ERI1: variants seen among roughly 807,000 people sequenced by gnomAD.
The protein encoded by ERI1 is 3'-5' exoribonuclease 1.
ERI1 carries 39 observed loss-of-function variants against 39.7 expected under a neutral mutation model. That is an observed-to-expected ratio of 0.98 (90% CI 0.76 to 1.28). The LOEUF is 1.28. Among genes scored for constraint, ERI1 ranks in the 50% most tolerant of loss-of-function variants. ERI1 has a pLI of 0.00. For synonymous variants in ERI1, 204 were observed against 149.6 expected (o/e 1.36, Z -2.65); for missense variants, 581 against 416.9 (o/e 1.39, Z -3.43).
chr8:9,023,254 A>G (rs574843434), intron 6 of ERI1, among the ~76,000 whole-genome samples: 1 of 151,656 alleles, frequency 6.6e-6, no homozygotes, highest in African/African-American at 2.4e-5. Flanking sequence ...GTTTCCCCTT[A>G]TCTGGATTTT....
intron 3 of ERI1, among the ~76,000 whole-genome samples, chr8:9,095,848 T>A (rs1024736886): frequency 1.3e-5 from 2 of 152,128 alleles, no homozygotes; most frequent in African/African-American, 4.8e-5. Flanking sequence ...GCTCTGTGTT[T>A]AAGGATCATC....
chr8:9,084,045 G>T (rs563178872), intron 3 of ERI1, among the ~76,000 whole-genome samples: 3 of 152,108 alleles, frequency 2.0e-5, no homozygotes, highest in Non-Finnish European at 4.4e-5. Context: ...AACCCGCCTC[G>T]GCCTCCCAAA....
chr8:9,028,715 C>A (rs1448721751), intron 6 of ERI1, among the ~76,000 whole-genome samples: 1 of 152,108 alleles, frequency 6.6e-6, no homozygotes. Flanking sequence ...CCTCTGCCTC[C>A]CGGGTTCAAG....
intron 3 of ERI1, among the ~76,000 whole-genome samples, chr8:9,062,238 A>G (rs2117400697): frequency 6.6e-6 from 1 of 152,188 alleles, no homozygotes; most frequent in South Asian, 2.1e-4. Flanking sequence ...TAAGGGGTGC[A>G]TGATCAGTCG....
chr8:9,018,480 T>C, intron 5 of ERI1, 74 bp downstream of exon 5: 2 of 845,716 alleles, frequency 2.4e-6, no homozygotes, highest in Non-Finnish European at 3.7e-6. Flanking sequence ...ATCTGATTTT[T>C]AGAATAACCA....
At chr8:9,033,535 T>C (rs1456093848), downstream of ERI1, among the ~76,000 whole-genome samples, 1 of 150,588 alleles carries the variant, frequency 6.6e-6, no homozygotes, top group Admixed American at 6.6e-5. Flanking sequence ...AAACAAGAAA[T>C]GCGACTGTGA....
chr8:9,070,243 A>G (rs1799006158), intron 3 of ERI1, among the ~76,000 whole-genome samples: 1 of 151,892 alleles, frequency 6.6e-6, no homozygotes, highest in Non-Finnish European at 1.5e-5. Context: ...TCTCAAAAAA[A>G]AAAACAAAAC....
intron 3 of ERI1, among the ~76,000 whole-genome samples, chr8:9,097,923 T>TA (rs1563104332): frequency 4.6e-5 from 7 of 152,182 alleles, no homozygotes; most frequent in Admixed American, 3.3e-4. Flanking sequence ...ATATACACCA[T>TA]GGAATACTAC....
chr8:9,017,343 C>A (rs1287745709), intron 4 of ERI1, among the ~76,000 whole-genome samples: 1 of 152,130 alleles, frequency 6.6e-6, no homozygotes, highest in Non-Finnish European at 1.5e-5. Context: ...TAGCCTGTTT[C>A]ATGAATTTTT....
At chr8:9,057,515 T>G (rs1798547052) in intron 3 of ERI1, among the ~76,000 whole-genome samples, 1 of 152,202 alleles carries the variant, frequency 6.6e-6, no homozygotes, top group Non-Finnish European at 1.5e-5. Context: ...AACTAGTGTG[T>G]GGTTTGCAAA....
chr8:9,024,178 G>A (rs556060816), intron 6 of ERI1, among the ~76,000 whole-genome samples: 88 of 152,252 alleles, frequency 5.8e-4, no homozygotes, highest in African/African-American at 1.9e-3. Context: ...AATTTAAAAG[G>A]CAAATAACTG....
chr8:9,021,677 T>C (rs1198248197), intron 6 of ERI1, among the ~76,000 whole-genome samples: 1 of 152,086 alleles, frequency 6.6e-6, no homozygotes, highest in Non-Finnish European at 1.5e-5. Context: ...TCCTTATAGC[T>C]TTAGTATTTA....
rs767399587 is a variant in ERI1 at position 9,011,665 on chromosome 8, C to T, written c.411C>T (p.Ala137=). 6.2e-7 allele frequency: 1 copy of T among 1,613,332 alleles called. No individual in the cohort carries two copies. The highest frequency in any genetic ancestry group is 8.5e-7 in the Non-Finnish European group (1 of 1,179,574). The change falls in exon 3 of 7, where the codon GCC becomes GCT. Residue 137 remains alanine (A), a synonymous_variant. Coordinates refer to ENST00000250263, the MANE Select transcript of ERI1 (RefSeq NM_153332.4). The part of the protein sequence containing the change: ...YDYICIIDFE[A]TCEEGNPPEF... The stretch of plus-strand genomic sequence containing the variant: ...ACATTTGTATTATTGACTTTGAAGC[C>T]ACTTGTGAAGAAGGAAACCCACCTG...
At chr8:9,034,194 G>A (rs1385179954), downstream of ERI1, among the ~76,000 whole-genome samples, 2 of 152,238 alleles carry the variant, frequency 1.3e-5, no homozygotes, top group Non-Finnish European at 2.9e-5. Flanking sequence ...GGATGCCCGA[G>A]GCTTTAAACC....
Position 9,011,664 on chromosome 8 carries a change from C to A in ERI1, c.410C>A (p.Ala137Asp). The part of the protein sequence containing the change: ...YDYICIIDFE[A>D]TCEEGNPPEF... ...TACATTTGTATTATTGACTTTGAAG[C>A]CACTTGTGAAGAAGGAAACCCACCT... Residue 137 changes from alanine (A) to aspartate (D), a missense_variant, in exon 3 of 7, where the codon GCC becomes GAC. Physicochemically the swap from Ala to Asp is moderately radical, Grantham distance 126. Coordinates refer to ENST00000250263, the MANE Select transcript of ERI1 (RefSeq NM_153332.4). 1 of 1,613,466 alleles carries A rather than the reference C, an allele frequency of 6.2e-7. No homozygotes were observed. Among genetic ancestry groups the A allele is most frequent in the Non-Finnish European group, 8.5e-7 (1 of 1,179,564 alleles).
At chr8:9,093,366 A>G (rs1187752495) in intron 3 of ERI1, among the ~76,000 whole-genome samples, 1 of 152,318 alleles carries the variant, frequency 6.6e-6, no homozygotes, top group East Asian at 1.9e-4. Context: ...AGCTTGAAAC[A>G]CAGTCGCCTT....
In ERI1 at chr8:9,031,614, G is replaced by T. The variant is rs1797596292; in HGVS notation, c.*1580G>T. 6.6e-6 allele frequency: 1 copy of T among 152,156 alleles called. No homozygotes were observed. The highest frequency in any genetic ancestry group is 2.4e-5 in the African/African-American group (1 of 41,436). The allele number at this position is 152,156 out of a possible 1,614,324, so 9.4% of individuals were successfully genotyped here. A position where few individuals can be genotyped will look rare whatever the true frequency, so the allele number is the denominator to read the frequency against. On this transcript the variant is annotated 3_prime_UTR_variant, in exon 7 of 7. Coordinates refer to ENST00000250263, the MANE Select transcript of ERI1 (RefSeq NM_153332.4). ...TGAAACTGCAATTGGAAAATCTGAT[G>T]ATGACGAGGAAATATTACGTTTCCA...
intron 3 of ERI1, among the ~76,000 whole-genome samples, chr8:9,052,257 C>G (rs922284727): frequency 6.6e-6 from 1 of 152,086 alleles, no homozygotes; most frequent in Admixed American, 6.6e-5. Context: ...TTGTCTCTCT[C>G]TGTGTTCTAT....
At chr8:9,004,470 C>G (rs867675353) in intron 1 of ERI1, among the ~76,000 whole-genome samples, 4 of 144,364 alleles carry the variant, frequency 2.8e-5, no homozygotes, top group Non-Finnish European at 6.0e-5. Context: ...CTGTTGCATG[C>G]TCTTTATAGT....
Sources: allele counts gnomAD v4.1 joint callset (sites outside exome capture counted in the v4.1 genomes callset), GRCh38; gene constraint gnomAD v4.1.1; transcripts MANE v1.5; gene names NCBI Gene and HGNC (gene_info 2026-07-23, HGNC 2026-07-21).